DRC11: variants seen among roughly 807,000 people sequenced by gnomAD.
DRC11 encodes the protein dynein regulatory complex subunit 11, also known as IQ and AAA domain-containing protein 1.
the DRC11 span, among the ~76,000 whole-genome samples, chr2:236,436,336 G>A: frequency 6.6e-6 from 1 of 151,350 alleles, no homozygotes; most frequent in African/African-American, 2.4e-5. Context: ...GATTTTTTTT[G>A]GCCATTTTGC....
the DRC11 span, among the ~76,000 whole-genome samples, chr2:236,491,232 T>A: frequency 2.9e-5 from 2 of 68,224 alleles, no homozygotes; most frequent in Non-Finnish European, 6.1e-5. Context: ...TATATATATA[T>A]ATATATATAC....
the DRC11 span, among the ~76,000 whole-genome samples, chr2:236,464,025 C>T: frequency 6.6e-6 from 1 of 152,230 alleles, no homozygotes; most frequent in Non-Finnish European, 1.5e-5. Context: ...GCCTTGTGGG[C>T]CTCTCCACTG....
chr2:236,440,652 C>T, the DRC11 span, among the ~76,000 whole-genome samples: 21 of 152,044 alleles, frequency 1.4e-4, no homozygotes, highest in African/African-American at 5.1e-4. Context: ...CATGGCACAC[C>T]CAAAGGAGCA....
At chr2:236,306,803 A>T in the DRC11 span, among the ~76,000 whole-genome samples, 1 of 152,204 alleles carries the variant, frequency 6.6e-6, no homozygotes, top group Non-Finnish European at 1.5e-5. The surrounding 1 kb of genome is among the most constrained non-coding windows in gnomAD (Gnocchi z 5.9). Flanking sequence ...TTTCTTCCAC[A>T]TTCACTCAAA....
At chr2:236,348,046 T>G in the DRC11 span, among the ~76,000 whole-genome samples, 1 of 152,166 alleles carries the variant, frequency 6.6e-6, no homozygotes, top group East Asian at 1.9e-4. This position sits in a 1 kb window ranked among gnomAD's most constrained non-coding sequence, Gnocchi z 7.4. Flanking sequence ...TGCTACAGGA[T>G]AAAGGAACTC....
chr2:236,399,601 C>A, the DRC11 span: 3 of 833,526 alleles, frequency 3.6e-6, no homozygotes, highest in Non-Finnish European at 6.0e-6. This position sits in a 1 kb window ranked among gnomAD's most constrained non-coding sequence, Gnocchi z 7.0. Context: ...GTCCTGGTCC[C>A]CCTGGGCAGT....
At chr2:236,468,283 G>C in the DRC11 span, among the ~76,000 whole-genome samples, 1 of 151,934 alleles carries the variant, frequency 6.6e-6, no homozygotes. Flanking sequence ...GTAGAGATGG[G>C]GTCTTGCCAT....
the DRC11 span, among the ~76,000 whole-genome samples, chr2:236,357,527 T>G: frequency 1.6e-5 from 2 of 127,596 alleles, no homozygotes; most frequent in Non-Finnish European, 3.1e-5. Flanking sequence ...TATTTATATA[T>G]TATGAATATA....
At chr2:236,506,109 T>C in the DRC11 span, among the ~76,000 whole-genome samples, 2 of 152,226 alleles carry the variant, frequency 1.3e-5, no homozygotes, top group Non-Finnish European at 2.9e-5. This position sits in a 1 kb window ranked among gnomAD's most constrained non-coding sequence, Gnocchi z 4.9. Context: ...TCAGGAGCAC[T>C]TGATGGAGGA....
the DRC11 span, among the ~76,000 whole-genome samples, chr2:236,453,325 C>G: frequency 6.6e-6 from 1 of 152,220 alleles, no homozygotes; most frequent in Non-Finnish European, 1.5e-5. The surrounding 1 kb of genome is among the most constrained non-coding windows in gnomAD (Gnocchi z 4.9). Context: ...GAGGCAAACT[C>G]TGAAGATCTC....
At chr2:236,484,777 C>A in the DRC11 span, among the ~76,000 whole-genome samples, 1 of 152,146 alleles carries the variant, frequency 6.6e-6, no homozygotes, top group Admixed American at 6.5e-5. Flanking sequence ...CTTACTGGGT[C>A]TCTTTTCTTT....
chr2:236,318,576 T>C, the DRC11 span, among the ~76,000 whole-genome samples: 1 of 138,506 alleles, frequency 7.2e-6, no homozygotes, highest in Non-Finnish European at 1.5e-5. The surrounding 1 kb of genome is among the most constrained non-coding windows in gnomAD (Gnocchi z 7.0). Flanking sequence ...CATGTGTGTG[T>C]TTGTGTGTAC....
the DRC11 span, among the ~76,000 whole-genome samples, chr2:236,393,967 G>A: frequency 2.6e-5 from 4 of 152,118 alleles, no homozygotes; most frequent in Non-Finnish European, 5.9e-5. The surrounding 1 kb of genome is among the most constrained non-coding windows in gnomAD (Gnocchi z 4.7). Flanking sequence ...CTGATATGGT[G>A]ATGGTAAATG....
At chr2:236,322,023 C>T in the DRC11 span, among the ~76,000 whole-genome samples, 1 of 152,080 alleles carries the variant, frequency 6.6e-6, no homozygotes, top group Admixed American at 6.6e-5. Flanking sequence ...GGAACAGACA[C>T]ACAACTCTCC....
the DRC11 span, among the ~76,000 whole-genome samples, chr2:236,315,620 T>C: frequency 3.9e-5 from 6 of 152,222 alleles, no homozygotes; most frequent in Non-Finnish European, 7.4e-5. The surrounding 1 kb of genome is among the most constrained non-coding windows in gnomAD (Gnocchi z 5.1). Flanking sequence ...CCATCAATAA[T>C]AGATTGGATA....
the DRC11 span, chr2:236,408,100 C>T: frequency 1.1e-5 from 7 of 631,126 alleles, no homozygotes; most frequent in Admixed American, 1.8e-5. This position sits in a 1 kb window ranked among gnomAD's most constrained non-coding sequence, Gnocchi z 5.5. Flanking sequence ...GGTCACTTCA[C>T]CATATGGGAC....
At chr2:236,397,107 G>T in the DRC11 span, among the ~76,000 whole-genome samples, 1 of 152,238 alleles carries the variant, frequency 6.6e-6, no homozygotes. The surrounding 1 kb of genome is among the most constrained non-coding windows in gnomAD (Gnocchi z 5.0). Flanking sequence ...TGGAGGAAGC[G>T]CAGTGGCCAC....
At chr2:236,451,980 T>C in the DRC11 span, among the ~76,000 whole-genome samples, 53 of 152,350 alleles carry the variant, frequency 3.5e-4, no homozygotes, top group Non-Finnish European at 6.9e-4. Context: ...CTGGAAACTC[T>C]TTGATTTACA....
chr2:236,346,002 C>G, the DRC11 span, among the ~76,000 whole-genome samples: 1 of 152,186 alleles, frequency 6.6e-6, no homozygotes, highest in Non-Finnish European at 1.5e-5. Context: ...CAGAAGTGGG[C>G]ACTGATTGAA....
Sources: gnomAD v4.1 joint callset for allele counts (sites outside exome capture counted in the v4.1 genomes callset) on GRCh38, gnomAD v4.1.1 for gene constraint, Gnocchi (gnomAD v3.1) non-coding constraint, MANE v1.5 for transcripts, NCBI Gene and HGNC (gene_info 2026-07-23, HGNC 2026-07-21) for gene names.